Variants in KCNB2 observed in about 807,000 individuals in gnomAD.
KCNB2 encodes delayed rectifier potassium channel protein.
A neutral mutation model predicts 61.5 loss-of-function variants in KCNB2; 15 were observed. The ratio of observed to expected loss-of-function variants is 0.24; its 90% CI spans 0.16 to 0.38. The LOEUF (loss-of-function observed/expected upper bound fraction) is 0.38, where lower values mean the gene tolerates loss of function less well. Ranked by LOEUF, KCNB2 falls within the 10% of genes least tolerant of loss-of-function variation. KCNB2 has a pLI of 1.00. For synonymous variants in KCNB2, 457 were observed against 446.0 expected, an observed-to-expected ratio of 1.02 and a Z score of -0.31; for missense variants, 828 against 1,125.2, an observed-to-expected ratio of 0.74 and a Z score of 3.78.
chr8:72,909,859 G>T (rs950777415), intron 2 of KCNB2, among the ~76,000 whole-genome samples: 1 of 152,138 alleles, frequency 6.6e-6, no homozygotes, highest in African/African-American at 2.4e-5. Context: ...CATGGAGGAG[G>T]AATAGATTTA....
chr8:72,795,545 A>G (rs1043898073), intron 2 of KCNB2, among the ~76,000 whole-genome samples: 7 of 152,226 alleles, frequency 4.6e-5, no homozygotes, highest in Admixed American at 3.3e-4. Flanking sequence ...CCACACAAGG[A>G]GCCAGATGTT....
chr8:72,651,106 C>A (rs556378626), intron 2 of KCNB2, among the ~76,000 whole-genome samples: 3 of 152,218 alleles, frequency 2.0e-5, no homozygotes, highest in Admixed American at 2.0e-4. Context: ...GAGAAAACTT[C>A]AGTGAAGAGA....
At chr8:72,820,368 T>C (rs1347658666) in intron 2 of KCNB2, among the ~76,000 whole-genome samples, 1 of 152,214 alleles carries the variant, frequency 6.6e-6, no homozygotes, top group Admixed American at 6.5e-5. Flanking sequence ...TCCTAAATAG[T>C]ATATTTATTC....
chr8:72,920,473 C>CTATATA (rs1554544463), intron 2 of KCNB2, among the ~76,000 whole-genome samples: 7 of 78,742 alleles, frequency 8.9e-5, no homozygotes, highest in African/African-American at 3.2e-4. Flanking sequence ...ATCTATCTAT[C>CTATATA]TATATATATA....
At chr8:72,904,575 C>T (rs1245707361) in intron 2 of KCNB2, among the ~76,000 whole-genome samples, 1 of 151,916 alleles carries the variant, frequency 6.6e-6, no homozygotes, top group Admixed American at 6.6e-5. Context: ...AACAATTAGA[C>T]AAGAGAAAGA....
intron 2 of KCNB2, among the ~76,000 whole-genome samples, chr8:72,887,102 T>C (rs1401750748): frequency 6.6e-6 from 1 of 152,204 alleles, no homozygotes; most frequent in Non-Finnish European, 1.5e-5. Flanking sequence ...TAGTGAGAAC[T>C]TTCTATAACT....
intron 2 of KCNB2, among the ~76,000 whole-genome samples, chr8:72,729,673 C>G: frequency 6.6e-6 from 1 of 152,172 alleles, no homozygotes; most frequent in East Asian, 1.9e-4. Flanking sequence ...CACCTGAGGT[C>G]AGGAGTTCGA....
intron 2 of KCNB2, among the ~76,000 whole-genome samples, chr8:72,629,134 T>C (rs544737172): frequency 7.7e-4 from 117 of 152,270 alleles, no homozygotes; most frequent in African/African-American, 2.8e-3. Context: ...AAGCCAGGTA[T>C]GGTTAAGTCT....
At chr8:72,911,518 C>G (rs905037662) in intron 2 of KCNB2, among the ~76,000 whole-genome samples, 3 of 152,168 alleles carry the variant, frequency 2.0e-5, no homozygotes, top group African/African-American at 7.2e-5. Context: ...TCGTTTTAGC[C>G]AAGACTGTAC....
At chr8:72,699,130 T>C (rs1189107546) in intron 2 of KCNB2, among the ~76,000 whole-genome samples, 1 of 151,580 alleles carries the variant, frequency 6.6e-6, no homozygotes, top group Non-Finnish European at 1.5e-5. Flanking sequence ...ACATCTATAA[T>C]CTATAAGGAA....
chr8:72,636,874 A>T (rs576564695), intron 2 of KCNB2, among the ~76,000 whole-genome samples: 3 of 152,146 alleles, frequency 2.0e-5, no homozygotes, highest in Non-Finnish European at 4.4e-5. Flanking sequence ...ATATTGGCCC[A>T]TTTCTGCCAC....
chr8:72,619,687 T>TACCTTCAAATTTTATTTTATC (rs1805684746), intron 2 of KCNB2, among the ~76,000 whole-genome samples: 1 of 152,138 alleles, frequency 6.6e-6, no homozygotes, highest in Admixed American at 6.6e-5. Context: ...TTTATTTTAT[T>TACCTTCAAATTTTATTTTATC]ATCTTCAAAT....
At chr8:72,696,814 T>C (rs1389105972) in intron 2 of KCNB2, among the ~76,000 whole-genome samples, 7 of 152,188 alleles carry the variant, frequency 4.6e-5, no homozygotes, top group Non-Finnish European at 1.0e-4. Flanking sequence ...TCCATTATTG[T>C]TTTCCTCTAT....
At chr8:72,838,813 TA>T (rs11309526) in intron 2 of KCNB2, among the ~76,000 whole-genome samples, 129,752 of 152,118 alleles carry the variant, frequency 0.85, 56,307 homozygotes, top group Middle Eastern at 0.97. Flanking sequence ...TTAAAGAATA[TA>T]AAAATCCTTG....
intron 2 of KCNB2, among the ~76,000 whole-genome samples, chr8:72,782,042 G>A (rs757769864): frequency 3.3e-5 from 5 of 152,096 alleles, no homozygotes; most frequent in Non-Finnish European, 7.4e-5. Context: ...GATAGGTGCA[G>A]CAAACCACCA....
At chr8:72,645,428 T>A (rs1018434786) in intron 2 of KCNB2, among the ~76,000 whole-genome samples, 4 of 152,154 alleles carry the variant, frequency 2.6e-5, no homozygotes, top group Admixed American at 6.5e-5. Flanking sequence ...TCATTTTTTT[T>A]AATATATCAC....
At chr8:72,617,992 T>G (rs1805648589) in intron 2 of KCNB2, among the ~76,000 whole-genome samples, 3 of 152,152 alleles carry the variant, frequency 2.0e-5, no homozygotes, top group African/African-American at 4.8e-5. Context: ...GGCAATGACA[T>G]CTGGAGTCTT....
intron 2 of KCNB2, among the ~76,000 whole-genome samples, chr8:72,673,652 G>A (rs1041874537): frequency 5.3e-5 from 8 of 152,188 alleles, no homozygotes; most frequent in Admixed American, 2.6e-4. Flanking sequence ...TACAACATGA[G>A]TGAACCTTGA....
intron 2 of KCNB2, among the ~76,000 whole-genome samples, chr8:72,600,588 TATA>T (rs1419461193): frequency 2.0e-5 from 3 of 149,990 alleles, no homozygotes; most frequent in Non-Finnish European, 3.0e-5. Flanking sequence ...AAACTTAAAG[TATA>T]ATAATAATAA....
Sources: allele counts gnomAD v4.1 joint callset (sites outside exome capture counted in the v4.1 genomes callset), GRCh38; gene constraint gnomAD v4.1.1; transcripts MANE v1.5; gene names NCBI Gene and HGNC (gene_info 2026-07-23, HGNC 2026-07-21).